Variants in MROH9 observed in about 807,000 individuals in gnomAD.
MROH9 encodes the protein maestro heat like repeat family member 9.
A neutral mutation model predicts 98.2 loss-of-function variants in MROH9; 92 were observed. The observed-to-expected ratio is 0.94, with a 90% CI of 0.79 to 1.11. The LOEUF (loss-of-function observed/expected upper bound fraction) is 1.11. MROH9 is among the 50% of genes most tolerant of loss of function. The probability of loss-of-function intolerance (pLI) is 0.00; values close to 1 mark genes in which losing one functional copy is unlikely to be tolerated. For synonymous variants in MROH9, 397 were observed against 368.9 expected, an observed-to-expected ratio of 1.08 and a Z score of -0.87; for missense variants, 1,057 against 1,014.8, an observed-to-expected ratio of 1.04 and a Z score of -0.57.
intron 20 of MROH9, among the ~76,000 whole-genome samples, chr1:171,033,541 C>T (rs1414179511): frequency 6.6e-6 from 1 of 152,006 alleles, no homozygotes; most frequent in East Asian, 1.9e-4. Flanking sequence ...GGCCGGTCGC[C>T]ACGCCACACT....
chr1:170,983,381 G>A (rs370652735), intron 8 of MROH9, 41 bp from the exon 9 acceptor site: 27 of 1,392,276 alleles, frequency 1.9e-5, no homozygotes, highest in Non-Finnish European at 1.4e-5. Context: ...ACAAACAAGT[G>A]ATCAAATAAC....
chr1:170,979,214 A>T (rs28813804), intron 8 of MROH9, among the ~76,000 whole-genome samples: 47,972 of 152,060 alleles, frequency 0.32, 7,674 homozygotes, highest in Middle Eastern at 0.46. Flanking sequence ...GTGATCTGAA[A>T]CCAAACCTGT....
intron 20 of MROH9, among the ~76,000 whole-genome samples, chr1:171,029,660 GGTAA>G (rs1652842200): frequency 6.6e-6 from 1 of 152,014 alleles, no homozygotes; most frequent in Non-Finnish European, 1.5e-5. Context: ...GATCGTGGTG[GGTAA>G]GTTTTTTTGA....
chr1:170,960,539 C>A (rs1241687638), intron 5 of MROH9, among the ~76,000 whole-genome samples: 1 of 152,174 alleles, frequency 6.6e-6, no homozygotes, highest in Non-Finnish European at 1.5e-5. Flanking sequence ...ACATAGCATA[C>A]AATTTCTAGT....
chr1:170,958,423 A>ATTC (rs560711797), intron 3 of MROH9, 38 bp from the exon 4 acceptor site: 64,372 of 1,154,256 alleles, frequency 0.056, 964 homozygotes, highest in Admixed American at 0.068. Context: ...GTAATCATTA[A>ATTC]TTCTTCTTTT....
In MROH9 at chr1:170,974,775, C is replaced by A. The variant is rs535023914; in HGVS notation, c.616+2892C>A. ...TATAGATAAATATTCATTTATCTTT[C>A]TTATTTAAATCTCTTTAAATGATAA... On this transcript the variant is annotated intron_variant, in intron 8 of 21. Coordinates refer to ENST00000367759, the MANE Select transcript of MROH9 (RefSeq NM_001163629.2). 1.1e-4 allele frequency among the ~76,000 whole-genome samples: 17 copies of A among 152,036 alleles called. No individual in the cohort carries two copies. In the South Asian group the frequency reaches 1.2e-3, roughly 11 times the overall value.
At position 170,951,581 on chromosome 1, in the gene MROH9, T is replaced by A. The variant is rs545647896; in HGVS notation, c.72+4008T>A. Among the ~76,000 whole-genome samples, 5 of 152,210 alleles carry A rather than the reference T, an allele frequency of 3.3e-5. No individual in the cohort carries two copies. The South Asian group carries it at 1.0e-3, about 32-fold the overall frequency. ...GATGTAGAAACAGTTATTGCTAGCA[T>A]TGAGACATGTCTGGGCCACTCAAGA... On this transcript the variant is annotated intron_variant, in intron 3 of 21. Coordinates refer to ENST00000367759, the MANE Select transcript of MROH9 (RefSeq NM_001163629.2).
chr1:170,986,926 C>CT (rs1651160508), intron 10 of MROH9, among the ~76,000 whole-genome samples: 1 of 152,164 alleles, frequency 6.6e-6, no homozygotes, highest in Non-Finnish European at 1.5e-5. Flanking sequence ...CCTTGGCTCA[C>CT]TGCAGCCTCA....
intron 8 of MROH9, among the ~76,000 whole-genome samples, chr1:170,973,217 T>C (rs1650539792): frequency 6.6e-6 from 1 of 152,042 alleles, no homozygotes; most frequent in Non-Finnish European, 1.5e-5. Flanking sequence ...AATGAGAACA[T>C]GCATGCAAGT....
intron 20 of MROH9, among the ~76,000 whole-genome samples, chr1:171,055,228 A>T (rs1653798178): frequency 6.6e-6 from 1 of 152,200 alleles, no homozygotes; most frequent in Admixed American, 6.5e-5. Context: ...GGATAACTGG[A>T]GATCCTTTTT....
intron 20 of MROH9, among the ~76,000 whole-genome samples, chr1:171,061,000 G>A (rs958728553): frequency 4.2e-4 from 64 of 152,088 alleles, no homozygotes; most frequent in African/African-American, 1.5e-3. Context: ...TTAGTACTTA[G>A]AACTTTAAAA....
At chr1:171,015,161 A>T (rs1162271209) in intron 16 of MROH9, 3 of 426,896 alleles carry the variant, frequency 7.0e-6, no homozygotes, top group Non-Finnish European at 1.4e-5. Flanking sequence ...AGTCTCTGAG[A>T]ACTGAAGCCT....
intron 15 of MROH9, among the ~76,000 whole-genome samples, chr1:171,013,017 T>A (rs557620146): frequency 2.6e-5 from 4 of 152,174 alleles, no homozygotes; most frequent in Admixed American, 2.6e-4. Flanking sequence ...CCCTCCTCTC[T>A]CTCATCTTTC....
intron 7 of MROH9, among the ~76,000 whole-genome samples, chr1:170,971,183 T>C (rs1323131178): frequency 2.6e-5 from 4 of 152,128 alleles, no homozygotes; most frequent in African/African-American, 7.2e-5. Flanking sequence ...TTGAAGAAGT[T>C]GTAGAAAGAA....
intron 20 of MROH9, among the ~76,000 whole-genome samples, chr1:171,060,121 C>T (rs1557918313): frequency 6.6e-6 from 1 of 151,718 alleles, no homozygotes. Flanking sequence ...AACCATGTAA[C>T]CAAATACCAC....
intron 20 of MROH9, among the ~76,000 whole-genome samples, chr1:171,043,435 G>A (rs1442877954): frequency 6.6e-6 from 1 of 151,764 alleles, no homozygotes; most frequent in East Asian, 1.9e-4. Flanking sequence ...TGTTTTTTTG[G>A]TTTAGGATAG....
chr1:171,041,788 T>C (rs1242393852), intron 20 of MROH9, among the ~76,000 whole-genome samples: 1 of 152,054 alleles, frequency 6.6e-6, no homozygotes, highest in Non-Finnish European at 1.5e-5. Context: ...TGGTATCTCA[T>C]TGTAGTTTTA....
At chr1:171,004,073 C>T (rs28488677) in intron 15 of MROH9, among the ~76,000 whole-genome samples, 9,732 of 152,130 alleles carry the variant, frequency 0.064, 360 homozygotes, top group African/African-American at 0.076. Context: ...ACCAAAGGGG[C>T]AGTCTCACTC....
chr1:171,045,307 A>T (rs562994241), intron 20 of MROH9, among the ~76,000 whole-genome samples: 6 of 151,468 alleles, frequency 4.0e-5, no homozygotes, highest in Non-Finnish European at 8.8e-5. Context: ...GCCTGCCCTG[A>T]TCTTTATTAT....
Sources: allele counts gnomAD v4.1 joint callset (sites outside exome capture counted in the v4.1 genomes callset), GRCh38; gene constraint gnomAD v4.1.1; transcripts MANE v1.5; gene names NCBI Gene and HGNC (gene_info 2026-07-23, HGNC 2026-07-21).